Variants in LIMA1 observed in about 807,000 individuals in gnomAD.
The protein encoded by LIMA1 is LIM domain and actin binding 1, also known as LIM domain and actin-binding protein 1.
A neutral mutation model predicts 62.6 loss-of-function variants in LIMA1; 52 were observed. The ratio of observed to expected loss-of-function variants is 0.83; its 90% CI spans 0.67 to 1.05. The LOEUF (loss-of-function observed/expected upper bound fraction) is 1.05, where lower values mean the gene tolerates loss of function less well. Ranked by LOEUF, LIMA1 falls within the 50% of genes least tolerant of loss-of-function variation. LIMA1 has a pLI of 0.00. For missense variants in LIMA1, 780 were observed against 902.2 expected (o/e 0.86, Z 1.74); for synonymous variants, 302 against 317.8 (o/e 0.95, Z 0.53).
intron 2 of LIMA1, among the ~76,000 whole-genome samples, chr12:50,237,515 T>C (rs902563495): frequency 1.3e-5 from 2 of 152,100 alleles, no homozygotes; most frequent in Non-Finnish European, 2.9e-5. Context: ...CTCATGCCTG[T>C]AGTCCCAGCA....
At chr12:50,267,930 C>T (rs922372836) in intron 1 of LIMA1, among the ~76,000 whole-genome samples, 1 of 152,100 alleles carries the variant, frequency 6.6e-6, no homozygotes, top group Non-Finnish European at 1.5e-5. Flanking sequence ...GCTGGGGTTA[C>T]AGGTGTAAGC....
At chr12:50,263,857 G>GCA (rs1255520197) in intron 1 of LIMA1, among the ~76,000 whole-genome samples, 2 of 125,668 alleles carry the variant, frequency 1.6e-5, no homozygotes, top group African/African-American at 6.3e-5. Context: ...TATATAGAGA[G>GCA]TATATATATA....
At chr12:50,208,494 C>G (rs114276475) in intron 4 of LIMA1, among the ~76,000 whole-genome samples, 6 of 150,788 alleles carry the variant, frequency 4.0e-5, no homozygotes, top group Non-Finnish European at 8.9e-5. Context: ...TCAAAAAAAA[C>G]CAAAAGTTAG....
chr12:50,253,119 T>G (rs1450192886), intron 1 of LIMA1, among the ~76,000 whole-genome samples: 2 of 152,212 alleles, frequency 1.3e-5, no homozygotes, highest in Non-Finnish European at 2.9e-5. Context: ...GGAAGGCTGT[T>G]GATTCCATTA....
chr12:50,274,959 T>C (rs1942258439), intron 1 of LIMA1, among the ~76,000 whole-genome samples: 1 of 152,198 alleles, frequency 6.6e-6, no homozygotes, highest in African/African-American at 2.4e-5. Flanking sequence ...AAATACGGAT[T>C]AATAACAATG....
intron 6 of LIMA1, among the ~76,000 whole-genome samples, chr12:50,202,843 T>G (rs1941078527): frequency 6.6e-6 from 1 of 152,178 alleles, no homozygotes; most frequent in Non-Finnish European, 1.5e-5. Context: ...TCAATATTGT[T>G]CTTTTTGATT....
At chr12:50,268,164 A>G (rs1415227136) in intron 1 of LIMA1, among the ~76,000 whole-genome samples, 2 of 152,110 alleles carry the variant, frequency 1.3e-5, no homozygotes, top group Admixed American at 6.6e-5. Context: ...GACTATACAG[A>G]TGAGTGCCTC....
intron 1 of LIMA1, among the ~76,000 whole-genome samples, chr12:50,257,876 G>A (rs1391426658): frequency 6.6e-6 from 1 of 152,190 alleles, no homozygotes; most frequent in Admixed American, 6.5e-5. Flanking sequence ...TTACAGGCAT[G>A]AGCCACCACG....
intron 7 of LIMA1, among the ~76,000 whole-genome samples, chr12:50,198,261 G>A (rs1409412384): frequency 6.6e-6 from 1 of 152,136 alleles, no homozygotes; most frequent in Non-Finnish European, 1.5e-5. Context: ...AAATAAGTTT[G>A]AGACAGGGTG....
At chr12:50,235,664 GT>G (rs1565852808) in intron 2 of LIMA1, among the ~76,000 whole-genome samples, 1 of 152,162 alleles carries the variant, frequency 6.6e-6, no homozygotes, top group Non-Finnish European at 1.5e-5. Context: ...CTCTAATGGG[GT>G]AGGGTAAAAG....
At chr12:50,181,718 A>C (rs1940506370) in intron 10 of LIMA1, among the ~76,000 whole-genome samples, 186 bp downstream of exon 10, 2 of 152,244 alleles carry the variant, frequency 1.3e-5, no homozygotes, top group South Asian at 4.1e-4. Flanking sequence ...CAATACACCA[A>C]GAAGTTCCAA....
intron 1 of LIMA1, among the ~76,000 whole-genome samples, chr12:50,277,724 C>T (rs1942292226): frequency 6.6e-6 from 1 of 152,182 alleles, no homozygotes; most frequent in African/African-American, 2.4e-5. Context: ...CTTCTGTATA[C>T]TTTCCACTTT....
intron 1 of LIMA1, among the ~76,000 whole-genome samples, chr12:50,252,668 G>A (rs1941945953): frequency 6.6e-6 from 1 of 151,870 alleles, no homozygotes. Context: ...TCAATAGTGG[G>A]AAGAAGTAAC....
chr12:50,276,664 G>A (rs1565867105), intron 1 of LIMA1, among the ~76,000 whole-genome samples: 1 of 152,112 alleles, frequency 6.6e-6, no homozygotes. Flanking sequence ...TGGGTCAGGA[G>A]TTCAAGACCA....
At chr12:50,269,918 CAAATAAAAAAA>C (rs1297186975) in intron 1 of LIMA1, among the ~76,000 whole-genome samples, 11 of 88,134 alleles carry the variant, frequency 1.2e-4, no homozygotes, top group Non-Finnish European at 2.0e-4. Flanking sequence ...AAAACTCCGT[CAAATAAAAAAA>C]AAAAAAAAAA....
At chr12:50,247,887 C>G (rs1267309569) in intron 2 of LIMA1, among the ~76,000 whole-genome samples, 2 of 152,032 alleles carry the variant, frequency 1.3e-5, no homozygotes, top group African/African-American at 4.8e-5. Flanking sequence ...CCTCGGCCTC[C>G]CAAAGTGCTG....
Position 50,177,729 on chromosome 12 carries a change from C to T in LIMA1, c.1615G>A (p.Gly539Arg). The T allele has an allele frequency of 6.2e-7, 1 of 1,613,794 alleles. No individual in the cohort carries two copies. The highest frequency in any genetic ancestry group is 8.5e-7 in the Non-Finnish European group (1 of 1,179,914). The change falls in exon 11 of 11, where the codon GGA (glycine) becomes AGA (arginine). Residue 539 changes from glycine (G) to arginine (R), a missense_variant. Physicochemically the swap from Gly to Arg is moderately radical, Grantham distance 125 (BLOSUM62 -2). Transcript: ENST00000341247. ...TCCTCCAAGGCACTTCCTGAACTTC[C>T]AAGTTCAGTGGGGGGTGGCCAGGCG... ...RIAWPPPTEL[G>R]SSGSALEEGI...
intron 10 of LIMA1, among the ~76,000 whole-genome samples, chr12:50,178,966 A>ATATTTTTTTTTTTT (rs56674261): frequency 7.8e-6 from 1 of 128,928 alleles, no homozygotes; most frequent in African/African-American, 2.7e-5. Context: ...ATATATATAT[A>ATATTTTTTTTTTTT]TTTTTTTTTT....
chr12:50,268,646 C>T (rs1374488871), intron 1 of LIMA1, among the ~76,000 whole-genome samples: 1 of 150,150 alleles, frequency 6.7e-6, no homozygotes, highest in East Asian at 1.9e-4. Context: ...GCTATGTTGC[C>T]CAGGCTCGTC....
Sources: gnomAD v4.1 joint callset for allele counts (sites outside exome capture counted in the v4.1 genomes callset) on GRCh38, gnomAD v4.1.1 for gene constraint, MANE v1.5 for transcripts, NCBI Gene and HGNC (gene_info 2026-07-23, HGNC 2026-07-21) for gene names.